Variants in RBFOX3 observed in about 807,000 individuals in gnomAD.
RBFOX3 encodes RNA binding protein fox-1 homolog 3.
RBFOX3 carries 17 observed loss-of-function variants against 48.7 expected under a neutral mutation model. The observed-to-expected ratio is 0.35, with a 90% CI of 0.24 to 0.52. The LOEUF (loss-of-function observed/expected upper bound fraction) is 0.52, where lower values mean the gene tolerates loss of function less well. RBFOX3 is among the 20% of genes least tolerant of loss of function. The pLI is 0.94. For missense variants in RBFOX3, 382 were observed against 497.5 expected, an observed-to-expected ratio of 0.77 and a Z score of 2.21; for synonymous variants, 212 against 209.5, an observed-to-expected ratio of 1.01 and a Z score of -0.10.
At chr17:79,271,145 G>C (rs911030185) in intron 3 of RBFOX3, among the ~76,000 whole-genome samples, 10 of 150,824 alleles carry the variant, frequency 6.6e-5, no homozygotes, top group African/African-American at 9.8e-5. Flanking sequence ...GTGCGATCTC[G>C]GCTCACTGCA....
chr17:79,416,841 G>A (rs1276268908), intron 2 of RBFOX3, among the ~76,000 whole-genome samples: 1 of 152,250 alleles, frequency 6.6e-6, no homozygotes, highest in African/African-American at 2.4e-5. Flanking sequence ...AAGTCTGCAG[G>A]GCAAACTGTG....
In RBFOX3 at chr17:79,473,200, G is replaced by T. The variant is rs921855384; in HGVS notation, c.-175+9254C>A. ...TTTCAGCTTCTGTACTCAGTTGCAG[G>T]GATCAGGAGCAGCACCTCACGGGCT... On this transcript the variant is annotated intron_variant, in intron 2 of 14. Coordinates refer to ENST00000693108, the MANE Select transcript of RBFOX3 (RefSeq NM_001350451.2). This position sits in a 1 kb window ranked among gnomAD's most constrained non-coding sequence, Gnocchi z 4.2. Among the ~76,000 whole-genome samples the T allele has an allele frequency of 2.5e-4, 38 of 152,228 alleles. No homozygotes were observed. The highest frequency in any genetic ancestry group is 4.8e-4 in the Non-Finnish European group (33 of 68,056).
At chr17:79,444,563 C>T (rs979187003) in intron 2 of RBFOX3, among the ~76,000 whole-genome samples, 1 of 152,126 alleles carries the variant, frequency 6.6e-6, no homozygotes, top group Non-Finnish European at 1.5e-5. Context: ...TCCACCACTT[C>T]CTCTGGGCAC....
chr17:79,556,752 G>A (rs1456712243), intron 1 of RBFOX3, among the ~76,000 whole-genome samples: 32 of 152,300 alleles, frequency 2.1e-4, no homozygotes, highest in Admixed American at 1.5e-3. Flanking sequence ...ATCTATCAAC[G>A]TCTTGAGATG....
intron 9 of RBFOX3, chr17:79,099,323 C>T (rs893532832): frequency 1.3e-5 from 2 of 152,248 alleles, no homozygotes; most frequent in African/African-American, 4.8e-5. Flanking sequence ...GACAGGGTCT[C>T]CCTGTGTTGC....
At chr17:79,104,392 T>G (rs1349802036) in intron 6 of RBFOX3, among the ~76,000 whole-genome samples, 1 of 151,872 alleles carries the variant, frequency 6.6e-6, no homozygotes, top group East Asian at 1.9e-4. Context: ...CAGGGACAGC[T>G]CTCCCAGCCT....
intron 4 of RBFOX3, among the ~76,000 whole-genome samples, chr17:79,135,678 T>C (rs780788000): frequency 7.9e-5 from 12 of 152,154 alleles, no homozygotes; most frequent in Non-Finnish European, 1.5e-4. Context: ...GGACCATTCC[T>C]TGCCAACCTT....
At chr17:79,572,477 C>G (rs1383670649) in intron 1 of RBFOX3, among the ~76,000 whole-genome samples, 1 of 152,046 alleles carries the variant, frequency 6.6e-6, no homozygotes, top group Non-Finnish European at 1.5e-5. Flanking sequence ...CTTGCCCCTT[C>G]TCCCAGACCC....
intron 3 of RBFOX3, among the ~76,000 whole-genome samples, chr17:79,277,308 G>T (rs1052643848): frequency 1.3e-5 from 2 of 148,252 alleles, no homozygotes; most frequent in African/African-American, 5.0e-5. Flanking sequence ...TGGGGAGGGG[G>T]GGGGTAGTGC....
At chr17:79,268,163 G>A (rs377745897) in intron 3 of RBFOX3, among the ~76,000 whole-genome samples, 1 of 10,316 alleles carries the variant, frequency 9.7e-5, no homozygotes, top group African/African-American at 1.2e-4. Flanking sequence ...GTGGCTTCTC[G>A]TCTGCGAGTC....
intron 4 of RBFOX3, among the ~76,000 whole-genome samples, chr17:79,131,345 G>A (rs779382415): frequency 2.0e-5 from 3 of 152,244 alleles, no homozygotes; most frequent in Non-Finnish European, 4.4e-5. Flanking sequence ...GCGCTAGAGC[G>A]TCTGTGCTTC....
intron 2 of RBFOX3, among the ~76,000 whole-genome samples, chr17:79,381,952 A>G (rs1462941309): frequency 6.6e-6 from 1 of 152,188 alleles, no homozygotes; most frequent in Non-Finnish European, 1.5e-5. Flanking sequence ...CACAAAACAT[A>G]TTTGACAAAA....
At chr17:79,585,633 A>C (rs1302260926) in intron 1 of RBFOX3, among the ~76,000 whole-genome samples, 1 of 152,118 alleles carries the variant, frequency 6.6e-6, no homozygotes, top group Non-Finnish European at 1.5e-5. Flanking sequence ...ATTCAGGAGG[A>C]GGGGCCTGCA....
chr17:79,310,653 C>A (rs539976246), intron 2 of RBFOX3, among the ~76,000 whole-genome samples: 2 of 152,332 alleles, frequency 1.3e-5, no homozygotes, highest in East Asian at 3.9e-4. Flanking sequence ...CCACCCTCCT[C>A]CCGCATTCCC....
intron 2 of RBFOX3, among the ~76,000 whole-genome samples, chr17:79,431,553 C>T (rs1324674862): frequency 1.4e-5 from 2 of 144,586 alleles, no homozygotes; most frequent in South Asian, 4.4e-4. Context: ...GGCACCATCT[C>T]GGCTCACTGC....
At chr17:79,101,843 C>A (rs779988839) in intron 8 of RBFOX3, among the ~76,000 whole-genome samples, 199 bp from the exon 9 acceptor site, 5 of 152,184 alleles carry the variant, frequency 3.3e-5, no homozygotes, top group Non-Finnish European at 4.4e-5. Flanking sequence ...TGGCCCAGGA[C>A]CCCAGACCCA....
At chr17:79,350,396 G>A (rs2083687901) in intron 2 of RBFOX3, among the ~76,000 whole-genome samples, 1 of 152,196 alleles carries the variant, frequency 6.6e-6, no homozygotes, top group African/African-American at 2.4e-5. Flanking sequence ...CCTTCTCCTG[G>A]GGGGACCCTG....
intron 3 of RBFOX3, among the ~76,000 whole-genome samples, chr17:79,253,283 C>T (rs913582064): frequency 5.9e-5 from 9 of 152,018 alleles, no homozygotes; most frequent in African/African-American, 1.7e-4. Flanking sequence ...GACACAAAGC[C>T]GGGGAGGACT....
chr17:79,584,967 G>A (rs898376400), intron 1 of RBFOX3, among the ~76,000 whole-genome samples: 6 of 151,740 alleles, frequency 4.0e-5, no homozygotes, highest in East Asian at 2.0e-4. Context: ...GGATTTCACC[G>A]TGTTAGCCAG....
Sources: gnomAD v4.1 joint callset for allele counts (sites outside exome capture counted in the v4.1 genomes callset) on GRCh38, gnomAD v4.1.1 for gene constraint, Gnocchi (gnomAD v3.1) non-coding constraint, MANE v1.5 for transcripts, NCBI Gene and HGNC (gene_info 2026-07-23, HGNC 2026-07-21) for gene names.